Variants in USP4 observed in about 807,000 individuals in gnomAD.
USP4 encodes the protein ubiquitin carboxyl-terminal hydrolase 4.
Under a neutral mutation model 118.2 loss-of-function variants are expected in USP4, and 72 were observed. The ratio of observed to expected loss-of-function variants is 0.61; its 90% CI spans 0.50 to 0.74. The LOEUF (loss-of-function observed/expected upper bound fraction) is 0.74, where lower values mean the gene tolerates loss of function less well. USP4 is among the 30% of genes least tolerant of loss of function. USP4 has a pLI of 0.00. For missense variants in USP4, 1,037 were observed against 1,185.7 expected (o/e 0.87, Z 1.84); for synonymous variants, 415 against 440.4 (o/e 0.94, Z 0.72).
At chr3:49,317,219 T>C in intron 6 of USP4, 1 of 1,519,744 alleles carries the variant, frequency 6.6e-7, no homozygotes, top group South Asian at 1.1e-5. Flanking sequence ...GTCTCCGCGA[T>C]GGTCTGGTAG....
Position 49,328,581 on chromosome 3 carries a change from C to T in USP4, c.230-765G>A, listed in dbSNP as rs142381274. On this transcript the variant is annotated intron_variant, in intron 2 of 21. Coordinates refer to ENST00000265560, the MANE Select transcript of USP4 (RefSeq NM_003363.4). ...ATCATAAGATTAAAGCAATTCAGGC[C>T]GGGCATGTTGGCTCATGCCTGTAAT... is the stretch of plus-strand genomic sequence containing the variant. Among the ~76,000 whole-genome samples the T allele has an allele frequency of 6.6e-5, 10 of 152,182 alleles. No homozygotes were observed. The East Asian group carries it at 1.7e-3, about 27-fold the overall frequency.
intron 3 of USP4, 94 bp from the exon 4 acceptor site, chr3:49,325,939 T>C (rs2047550041): frequency 1.4e-6 from 2 of 1,471,800 alleles, no homozygotes; most frequent in East Asian, 4.7e-5. Flanking sequence ...AGCAGAAAAC[T>C]CATGATAATC....
At chr3:49,291,914 C>T (rs1459685573) in intron 15 of USP4, among the ~76,000 whole-genome samples, 1 of 151,836 alleles carries the variant, frequency 6.6e-6, no homozygotes. Flanking sequence ...CCCGGGTTCA[C>T]GCCATTCTCC....
chr3:49,282,667 C>A (rs1390333962), intron 19 of USP4, among the ~76,000 whole-genome samples: 1 of 152,066 alleles, frequency 6.6e-6, no homozygotes, highest in African/African-American at 2.4e-5. Context: ...TTCTTTCCCC[C>A]AGAAAGCATT....
rs760043488 is a variant in USP4 at position 49,299,858 on chromosome 3, C to T, written c.1512+609G>A. Among the ~76,000 whole-genome samples the T allele has an allele frequency of 3.3e-5, 5 of 152,160 alleles. No homozygotes were observed. In the South Asian group the frequency reaches 8.3e-4, roughly 25 times the overall value. ...GGTTATGTGAGGGTATATCTGAGTA[C>T]GAAAAGAACCGTGCTTCTGGTTCCC... On this transcript the variant is annotated intron_variant, in intron 11 of 21. Coordinates refer to ENST00000265560, the MANE Select transcript of USP4 (RefSeq NM_003363.4).
At chr3:49,305,142 G>A (rs1308283843) in intron 9 of USP4, among the ~76,000 whole-genome samples, 1 of 150,252 alleles carries the variant, frequency 6.7e-6, no homozygotes, top group Non-Finnish European at 1.5e-5. Flanking sequence ...GCGCAATCTC[G>A]GCTCACTGCA....
intron 8 of USP4, among the ~76,000 whole-genome samples, chr3:49,306,493 G>A (rs560211580): frequency 2.6e-5 from 4 of 151,922 alleles, no homozygotes; most frequent in South Asian, 2.1e-4. Context: ...GTGAGCCACC[G>A]CGCCCAGCCT....
intron 6 of USP4, 143 bp from the exon 7 acceptor site, chr3:49,311,797 C>T: frequency 1.5e-6 from 2 of 1,378,090 alleles, no homozygotes; most frequent in South Asian, 3.1e-5. Context: ...CATACTACTT[C>T]AAGGTAAACT....
At chr3:49,296,671 A>T (rs1333573516) in intron 13 of USP4, among the ~76,000 whole-genome samples, 1 of 152,238 alleles carries the variant, frequency 6.6e-6, no homozygotes, top group Non-Finnish European at 1.5e-5. Flanking sequence ...AAAATAAAAT[A>T]AAAATACCAG....
chr3:49,314,746 C>T (rs1436935860), intron 6 of USP4, among the ~76,000 whole-genome samples: 3 of 152,072 alleles, frequency 2.0e-5, no homozygotes, highest in African/African-American at 7.2e-5. Context: ...AAAAATCGGC[C>T]GGGCCTGATG....
At chr3:49,288,704 A>T (rs1197318181) in intron 15 of USP4, among the ~76,000 whole-genome samples, 1 of 152,032 alleles carries the variant, frequency 6.6e-6, no homozygotes, top group East Asian at 1.9e-4. Context: ...GAAAAAGAAA[A>T]AGCAGGATCC....
At chr3:49,280,389 G>A (rs1035237420) in intron 20 of USP4, among the ~76,000 whole-genome samples, 3 of 150,990 alleles carry the variant, frequency 2.0e-5, no homozygotes, top group Non-Finnish European at 3.0e-5. Flanking sequence ...GTGAAACCCC[G>A]TCTCTACTAA....
At chr3:49,324,826 A>T in intron 5 of USP4, 63 bp from the exon 6 acceptor site, 1 of 1,613,902 alleles carries the variant, frequency 6.2e-7, no homozygotes. Context: ...CATGCTTAGA[A>T]GCAAAAAGTA....
intron 6 of USP4, among the ~76,000 whole-genome samples, chr3:49,315,100 A>G (rs1316376779): frequency 2.0e-5 from 3 of 151,480 alleles, no homozygotes; most frequent in Non-Finnish European, 4.4e-5. Context: ...ACACAGTAAG[A>G]TTTAAAAAAA....
At chr3:49,304,978 G>T (rs2047297791) in intron 9 of USP4, among the ~76,000 whole-genome samples, 1 of 151,572 alleles carries the variant, frequency 6.6e-6, no homozygotes, top group Admixed American at 6.6e-5. Flanking sequence ...TGGTCAGGCT[G>T]ATCTCGAACT....
At chr3:49,285,034 C>T in intron 16 of USP4, 115 bp from the exon 17 acceptor site, 2 of 736,468 alleles carry the variant, frequency 2.7e-6, no homozygotes, top group Non-Finnish European at 2.3e-6. Flanking sequence ...CCTTCTCCCC[C>T]ATCAGCAGCC....
At chr3:49,336,104 T>C (rs2047666499) in intron 1 of USP4, among the ~76,000 whole-genome samples, 2 of 150,992 alleles carry the variant, frequency 1.3e-5, no homozygotes, top group Admixed American at 1.3e-4. Context: ...CCTCAGGTGA[T>C]CCGCCTACTT....
Position 49,280,734 on chromosome 3 carries a change from C to A in USP4, c.2644+10G>T. The A allele has an allele frequency of 6.2e-7, 1 of 1,611,010 alleles. No homozygotes were observed. Among genetic ancestry groups the A allele is most frequent in the South Asian group, 1.1e-5 (1 of 90,978 alleles). ...CAACATCTCAGAAGGAAGCAGATGT[C>A]AATACTTACAGTGGCCAACCCCCAT... is the stretch of plus-strand genomic sequence containing the variant. On this transcript the variant is annotated intron_variant, in intron 20 of 21. Transcript: ENST00000265560.
At chr3:49,334,048 TGATCACC>T (rs2107805562) in intron 2 of USP4, among the ~76,000 whole-genome samples, 1 of 151,620 alleles carries the variant, frequency 6.6e-6, no homozygotes, top group East Asian at 1.9e-4. Flanking sequence ...CCCTGATCAC[TGATCACC>T]ATAACAAATA....
Sources: allele counts gnomAD v4.1 joint callset (sites outside exome capture counted in the v4.1 genomes callset), GRCh38; gene constraint gnomAD v4.1.1; transcripts MANE v1.5; gene names NCBI Gene and HGNC (gene_info 2026-07-23, HGNC 2026-07-21).